Variants in ANO10 observed in about 807,000 individuals in gnomAD.
ANO10 encodes anoctamin-10.
A neutral mutation model predicts 74.7 loss-of-function variants in ANO10; 77 were observed. The ratio of observed to expected loss-of-function variants is 1.03; its 90% CI spans 0.86 to 1.25. ANO10 has a LOEUF of 1.25. ANO10 is among the 50% of genes most tolerant of loss of function. The probability of loss-of-function intolerance (pLI) is 0.00; values close to 1 mark genes in which losing one functional copy is unlikely to be tolerated. For missense variants in ANO10, 721 were observed against 778.1 expected (o/e 0.93, Z 0.87); for synonymous variants, 279 against 284.9 (o/e 0.98, Z 0.21).
chr3:43,418,150 G>A (rs2092769896), intron 12 of ANO10, among the ~76,000 whole-genome samples: 1 of 152,232 alleles, frequency 6.6e-6, no homozygotes, highest in Non-Finnish European at 1.5e-5. Flanking sequence ...GGTGGCAGGT[G>A]CCTGTAATCC....
chr3:43,491,265 G>C (rs9835793), intron 11 of ANO10, among the ~76,000 whole-genome samples: 1 of 151,922 alleles, frequency 6.6e-6, no homozygotes, highest in Non-Finnish European at 1.5e-5. Flanking sequence ...TGTAATCCCA[G>C]CACTTTGGGA....
chr3:43,396,601 T>G (rs1350782291), intron 12 of ANO10, among the ~76,000 whole-genome samples: 2 of 152,018 alleles, frequency 1.3e-5, no homozygotes. Context: ...CCTCCCAAAG[T>G]GCTGGGATTA....
At chr3:43,687,537 C>T (rs748065091) in intron 1 of ANO10, among the ~76,000 whole-genome samples, 8 of 152,154 alleles carry the variant, frequency 5.3e-5, no homozygotes, top group Non-Finnish European at 1.2e-4. Context: ...ACAATGGCAG[C>T]ATTCAGTCTT....
At chr3:43,670,067 G>A (rs1427512614) in intron 1 of ANO10, among the ~76,000 whole-genome samples, 2 of 152,108 alleles carry the variant, frequency 1.3e-5, no homozygotes, top group East Asian at 3.9e-4. Context: ...TAAATCTAGA[G>A]ATTGGCCAGG....
Position 43,539,511 on chromosome 3 carries a change from G to A in ANO10, c.1797+10209C>T, listed in dbSNP as rs146546372. On this transcript the variant is annotated intron_variant, in intron 11 of 12. Transcript: ENST00000292246. ...CAAGCAGGTCCCAGAGGAGGGTGAC[G>A]CACCTAGCAGGTCTGTTGTTGAGAG... Among the ~76,000 whole-genome samples the A allele has an allele frequency of 5.9e-4, 90 of 152,254 alleles. 1 individual carries two copies. The East Asian group carries it at 8.1e-3, about 14-fold the overall frequency.
In ANO10 at chr3:43,502,748, T is replaced by C. The variant is rs140518232; in HGVS notation, c.1797+46972A>G. 7.5e-4 allele frequency among the ~76,000 whole-genome samples: 115 copies of C among 152,348 alleles called. 1 individual carries two copies. Among genetic ancestry groups the C allele is most frequent in the African/African-American group, 2.7e-3 (111 of 41,584 alleles). On this transcript the variant is annotated intron_variant, in intron 11 of 12. Coordinates refer to ENST00000292246, the MANE Select transcript of ANO10 (RefSeq NM_018075.5). ...AGTATGTACGTGCAATGGAATATTATTCAGCCTTAAAAACTAAGGGAATTC... is the reference window on the plus strand; with the variant it reads ...AGTATGTACGTGCAATGGAATATTACTCAGCCTTAAAAACTAAGGGAATTC...
chr3:43,575,005 C>T, intron 6 of ANO10, 141 bp from the exon 7 acceptor site: 1 of 712,608 alleles, frequency 1.4e-6, no homozygotes, highest in East Asian at 2.7e-5. Flanking sequence ...CTGTCAATCA[C>T]AGCTATGCCT....
chr3:43,513,953 A>G (rs1165103700), intron 11 of ANO10, among the ~76,000 whole-genome samples: 1 of 150,512 alleles, frequency 6.6e-6, no homozygotes, highest in African/African-American at 2.4e-5. Context: ...GCTATTATTT[A>G]TAACATAGAT....
chr3:43,585,774 C>A (rs1174685802), intron 4 of ANO10, among the ~76,000 whole-genome samples: 2 of 152,150 alleles, frequency 1.3e-5, no homozygotes, highest in Non-Finnish European at 2.9e-5. Context: ...TGAAAACATG[C>A]CTTCCCACTA....
chr3:43,556,503 A>G (rs901803056), intron 9 of ANO10, among the ~76,000 whole-genome samples: 7 of 152,214 alleles, frequency 4.6e-5, no homozygotes, highest in African/African-American at 1.4e-4. Context: ...GAGTGATGAT[A>G]GCTACACGTT....
intron 2 of ANO10, among the ~76,000 whole-genome samples, chr3:43,602,979 A>G: frequency 6.6e-6 from 1 of 152,178 alleles, no homozygotes. Flanking sequence ...CACCATTTCC[A>G]TTCATCATTC....
intron 11 of ANO10, among the ~76,000 whole-genome samples, chr3:43,525,234 T>C (rs1437459627): frequency 6.6e-6 from 1 of 152,144 alleles, no homozygotes; most frequent in Non-Finnish European, 1.5e-5. Flanking sequence ...TGCATCTTCA[T>C]AGCTCTGGGA....
rs1214597993 is a variant in ANO10 at position 43,688,634 on chromosome 3, C to T, written c.-12+2883G>A. 2.0e-5 allele frequency among the ~76,000 whole-genome samples: 3 copies of T among 152,024 alleles called. No homozygotes were observed. In the East Asian group the frequency reaches 5.8e-4, roughly 29 times the overall value. ...GTGGAGGGAGGATCATTTGAGGTCA[C>T]GAGTTCAAGACCAGCCTGGCCAACA... On this transcript the variant is annotated intron_variant, in intron 1 of 3. Coordinates refer to the ANO10 transcript ENST00000413397.
chr3:43,379,826 A>G (rs2091910240), intron 12 of ANO10, among the ~76,000 whole-genome samples: 1 of 152,212 alleles, frequency 6.6e-6, no homozygotes. Context: ...ATGGATCCAA[A>G]CCAAGATCAA....
intron 11 of ANO10, among the ~76,000 whole-genome samples, chr3:43,503,295 C>A (rs2077165534): frequency 6.6e-6 from 1 of 152,032 alleles, no homozygotes. Flanking sequence ...CCTTTAAATA[C>A]TCTCAGATAC....
At chr3:43,591,362 G>C (rs920819499) in intron 4 of ANO10, among the ~76,000 whole-genome samples, 2 of 152,122 alleles carry the variant, frequency 1.3e-5, no homozygotes, top group African/African-American at 4.8e-5. Flanking sequence ...CATCCTAATG[G>C]AGCTGAACAC....
intron 11 of ANO10, among the ~76,000 whole-genome samples, chr3:43,523,066 A>G (rs115359285): frequency 1.3e-3 from 193 of 152,360 alleles, no homozygotes; most frequent in African/African-American, 4.5e-3. Context: ...CTCTGGACAC[A>G]GGAAAGAGGT....
At chr3:43,491,243 T>C (rs973072722) in intron 11 of ANO10, among the ~76,000 whole-genome samples, 1 of 152,146 alleles carries the variant, frequency 6.6e-6, no homozygotes, top group Non-Finnish European at 1.5e-5. Context: ...CCAGACACAG[T>C]GGCCTCATGC....
chr3:43,416,367 A>G (rs968944185), intron 12 of ANO10, among the ~76,000 whole-genome samples: 5 of 152,204 alleles, frequency 3.3e-5, no homozygotes, highest in Non-Finnish European at 5.9e-5. Flanking sequence ...ATACCTCTTG[A>G]TAACAGTTAG....
Sources: allele counts gnomAD v4.1 joint callset (sites outside exome capture counted in the v4.1 genomes callset), GRCh38; gene constraint gnomAD v4.1.1; transcripts MANE v1.5; gene names NCBI Gene and HGNC (gene_info 2026-07-23, HGNC 2026-07-21).